The following NSUN2 variants were observed in gnomAD, a reference collection of about 807,000 sequenced individuals.
NSUN2 encodes NOP2/Sun RNA methyltransferase 2, also known as RNA cytosine C(5)-methyltransferase NSUN2.
A neutral mutation model predicts 92.7 loss-of-function variants in NSUN2; 63 were observed. The ratio of observed to expected loss-of-function variants is 0.68; its 90% CI spans 0.56 to 0.84. The LOEUF (loss-of-function observed/expected upper bound fraction) is 0.84. NSUN2 is among the 40% of genes least tolerant of loss of function. The pLI is 0.00. For synonymous variants in NSUN2, 356 were observed against 348.3 expected, an observed-to-expected ratio of 1.02 and a Z score of -0.25; for missense variants, 989 against 964.9, an observed-to-expected ratio of 1.02 and a Z score of -0.33.
chr5:6,626,125 T>C (rs112836651), intron 3 of NSUN2, among the ~76,000 whole-genome samples: 262 of 152,234 alleles, frequency 1.7e-3, no homozygotes, highest in African/African-American at 6.1e-3. Flanking sequence ...AAAAAATATA[T>C]TTTTCATTAT....
rs772238201 is a variant in NSUN2, at chr5:6,632,685, C to A, written c.168G>T (p.Lys56Asn). ...GGCCCCACTCGCCCTCGGGCACGAT[C>A]TTGAGCTCCTGGTAGTAGTGCTCGA... The part of the protein sequence containing the change: ...KLFEHYYQEL[K>N]IVPEGEWGQF... The change falls in exon 2 of 19, where the codon AAG becomes AAT. Residue 56 changes from lysine to asparagine, a missense_variant. Physicochemically the swap from Lys to Asn is moderately conservative, Grantham distance 94. Around this residue, in one of 3 missense-constraint regions of NSUN2, gnomAD observed 356 missense variants for 338.6 expected, o/e 1.05. Transcript: ENST00000264670. The A allele has an allele frequency of 6.2e-6, 10 of 1,614,096 alleles. No individual in the cohort carries two copies. The African/African-American group carries it at 1.1e-4, about 17-fold the overall frequency.
intron 9 of NSUN2, among the ~76,000 whole-genome samples, chr5:6,615,850 G>A (rs1214799528): frequency 6.6e-6 from 1 of 152,208 alleles, no homozygotes; most frequent in Non-Finnish European, 1.5e-5. Context: ...AACATAAAAG[G>A]AGAAATATTT....
chr5:6,632,628 C>T lies in NSUN2; in HGVS notation c.225G>A (p.Pro75=). 6.2e-7 allele frequency: 1 copy of T among 1,614,190 alleles called. No individual in the cohort carries two copies. Residue 75 remains proline (P), a synonymous_variant, in exon 2 of 19, where the codon CCG becomes CCA. Coordinates refer to ENST00000264670, the MANE Select transcript of NSUN2 (RefSeq NM_017755.6). ...QFMDALREPL[P]ATLRITGYKS... ...TGTAACCAGTAATTCTTAAAGTGGCCGGGAGCGGCTCCCTGAGAGCGTCCA... is the reference window on the plus strand; with the variant it reads ...TGTAACCAGTAATTCTTAAAGTGGCTGGGAGCGGCTCCCTGAGAGCGTCCA...
At position 6,605,419 on chromosome 5, in the gene NSUN2, C is replaced by T. The variant is rs2303707; in HGVS notation, c.1602-11G>A. The T allele has an allele frequency of 6.2e-7, 1 of 1,613,248 alleles. No homozygotes were observed. The highest frequency in any genetic ancestry group is 8.5e-7 in the Non-Finnish European group (1 of 1,179,462). Reference sequence around the variant, plus strand: ...AAAGCATAAAATTTCCTGTACATAACAACATTGTTGTTTATCCACAATGAG... The same window carrying T: ...AAAGCATAAAATTTCCTGTACATAATAACATTGTTGTTTATCCACAATGAG... On this transcript the variant is annotated splice_polypyrimidine_tract_variant and intron_variant, in intron 14 of 18. Coordinates refer to ENST00000264670, the MANE Select transcript of NSUN2 (RefSeq NM_017755.6).
chr5:6,600,399 C>A (rs185177589), intron 18 of NSUN2, among the ~76,000 whole-genome samples, 167 bp from the exon 19 acceptor site: 1 of 152,338 alleles, frequency 6.6e-6, no homozygotes, highest in Admixed American at 6.5e-5. Flanking sequence ...GGTAGGTTTT[C>A]TCAAAGGACT....
At chr5:6,603,310 G>T (rs1457017373) in intron 17 of NSUN2, among the ~76,000 whole-genome samples, 1 of 152,234 alleles carries the variant, frequency 6.6e-6, no homozygotes, top group Non-Finnish European at 1.5e-5. Context: ...AGAAAAGTCA[G>T]AACTGCTGGC....
In NSUN2 at chr5:6,632,699, AGTAG is replaced by A; in HGVS notation, c.150_153del (p.Tyr51ThrfsTer27). ...TCGGGCACGATCTTGAGCTCCTGGT[AGTAG>A]TGCTCGAACAGCTTGTTCTCCTTGA... On this transcript the variant is annotated frameshift_variant, in exon 2 of 19. Transcript: ENST00000264670. LOFTEE classifies it high-confidence loss of function. 1.2e-6 allele frequency: 2 copies of A among 1,614,134 alleles called. No individual in the cohort carries two copies. Among genetic ancestry groups the A allele is most frequent in the Non-Finnish European group, 1.7e-6 (2 of 1,180,004 alleles).
rs560136559 is a variant in NSUN2, at chr5:6,605,517, T to C, written c.1602-109A>G. On this transcript the variant is annotated intron_variant, in intron 14 of 18. Transcript: ENST00000264670. ...GAATTCAATCCCCAAAACTGCAGTG[T>C]GGTTCAAGGGCACTGGGCTCTGCTC... 3.4e-6 allele frequency: 4 copies of C among 1,164,442 alleles called. No homozygotes were observed. In the East Asian group the frequency reaches 7.1e-5, roughly 21 times the overall value. 72.1% of individuals were successfully genotyped at this position (1,164,442 alleles called of 1,614,324 possible).
chr5:6,613,537 C>T (rs1392456914), intron 9 of NSUN2, among the ~76,000 whole-genome samples: 68 of 152,226 alleles, frequency 4.5e-4, no homozygotes, highest in Non-Finnish European at 5.9e-5. Flanking sequence ...GAATAAAGAA[C>T]CTGAGCATAC....
chr5:6,614,672 T>C (rs191812251), intron 9 of NSUN2, among the ~76,000 whole-genome samples: 49 of 152,126 alleles, frequency 3.2e-4, no homozygotes, highest in Non-Finnish European at 5.4e-4. Flanking sequence ...TGGGTGAGGG[T>C]GGCAGAAGCA....
intron 6 of NSUN2, chr5:6,621,747 C>CAAA (rs36037471): frequency 2.9e-3 from 719 of 246,218 alleles, no homozygotes; most frequent in Middle Eastern, 5.4e-3. Context: ...GACTCCATCT[C>CAAA]AAAAAAAAAA....
rs914130347 is a variant in NSUN2 at position 6,632,891 on chromosome 5, C to A, written c.89G>T (p.Gly30Val). ...EDGAEGGGKR[G>V]EAGWEGGYPE... is the part of the protein sequence containing the mutation. ...CCGGGTCCCGGCTCCTACCGCCTCGCCGCGCTTTCCACCACCCTCGGCGCC... is the reference window on the plus strand; with the variant it reads ...CCGGGTCCCGGCTCCTACCGCCTCGACGCGCTTTCCACCACCCTCGGCGCC... The change falls in exon 1 of 19, where the codon GGC becomes GTC. Residue 30 changes from glycine (G) to valine (V), a missense_variant. Coordinates refer to ENST00000264670, the MANE Select transcript of NSUN2 (RefSeq NM_017755.6). 1.3e-6 allele frequency: 2 copies of A among 1,531,480 alleles called. No individual in the cohort carries two copies. The highest frequency in any genetic ancestry group is 1.7e-6 in the Non-Finnish European group (2 of 1,144,348). 94.9% of individuals were successfully genotyped at this position (1,531,480 alleles called of 1,614,324 possible).
intron 10 of NSUN2, 49 bp downstream of exon 10, chr5:6,611,676 G>A: frequency 6.7e-7 from 1 of 1,499,886 alleles, no homozygotes. Context: ...CTCTACTTCA[G>A]TGATGCTGCA....
chr5:6,604,481 T>C lies in NSUN2; in HGVS notation c.1818+124A>G, dbSNP rs540380857. 14 of 990,692 alleles carry C rather than the reference T, an allele frequency of 1.4e-5. No individual in the cohort carries two copies. In the South Asian group the frequency reaches 1.8e-4, roughly 13 times the overall value. The allele number at this position is 990,692 out of a possible 1,614,324, so 61.4% of individuals were successfully genotyped here. ...AGCTCTATAACCTGTGAGGGTCAAG[T>C]GGCTGGTAGGTGCCAGCCAAGCCCT... is the stretch of plus-strand genomic sequence containing the variant. On this transcript the variant is annotated intron_variant, in intron 16 of 18. Coordinates refer to ENST00000264670, the MANE Select transcript of NSUN2 (RefSeq NM_017755.6).
At chr5:6,615,093 A>C (rs1006534712) in intron 9 of NSUN2, among the ~76,000 whole-genome samples, 3 of 152,120 alleles carry the variant, frequency 2.0e-5, no homozygotes, top group African/African-American at 7.2e-5. Flanking sequence ...ACTCACCCCA[A>C]GTCAAGAAAG....
rs78642446 is a variant in NSUN2 at position 6,609,025 on chromosome 5, C to T, written c.1323+801G>A. ...CCCCCTTTGCCCGTCTGAGGCTGTA[C>T]GTTCCAACGTTAAACTGCACAAACC... On this transcript the variant is annotated intron_variant, in intron 12 of 18. Transcript: ENST00000264670. 7.3e-3 allele frequency among the ~76,000 whole-genome samples: 1,115 copies of T among 152,308 alleles called. 17 individuals are homozygous for T. Among genetic ancestry groups the T allele is most frequent in the African/African-American group, 0.025 (1,054 of 41,560 alleles).
chr5:6,599,792 C>T lies in NSUN2; in HGVS notation c.*134G>A, dbSNP rs1736465586. 1.3e-6 allele frequency: 1 copy of T among 747,372 alleles called. No homozygotes were observed. The highest frequency in any genetic ancestry group is 1.7e-5 in the South Asian group (1 of 58,854). 46.3% of individuals were successfully genotyped at this position (747,372 alleles called of 1,614,324 possible). A position where few individuals can be genotyped will look rare whatever the true frequency, so the allele number is the denominator to read the frequency against. On this transcript the variant is annotated 3_prime_UTR_variant, in exon 19 of 19. Coordinates refer to ENST00000264670, the MANE Select transcript of NSUN2 (RefSeq NM_017755.6). ...GGTCATTCAGAAGGCTCCTATGATC[C>T]CACCAGTCTGCAGTCATTAGAAATA...
In NSUN2 at chr5:6,616,867, G is replaced by A; in HGVS notation, c.891-10C>T. On this transcript the variant is annotated splice_polypyrimidine_tract_variant and intron_variant, in intron 8 of 18. Coordinates refer to ENST00000264670, the MANE Select transcript of NSUN2 (RefSeq NM_017755.6). ...AATCCGCAGCTGTAAGCTAAGGGGAGATATCAGATGACTGCAAGGCCAAAT... is the reference window on the plus strand; with the variant it reads ...AATCCGCAGCTGTAAGCTAAGGGGAAATATCAGATGACTGCAAGGCCAAAT... 1 of 1,609,184 alleles carries A rather than the reference G, an allele frequency of 6.2e-7. No individual in the cohort carries two copies. Among genetic ancestry groups the A allele is most frequent in the Non-Finnish European group, 8.5e-7 (1 of 1,177,522 alleles).
intron 3 of NSUN2, among the ~76,000 whole-genome samples, chr5:6,631,124 C>T (rs1410115522): frequency 6.6e-6 from 1 of 152,134 alleles, no homozygotes; most frequent in Non-Finnish European, 1.5e-5. Flanking sequence ...CAAAAAACGG[C>T]TTAATTCACC....
Sources: allele counts gnomAD v4.1 joint callset (sites outside exome capture counted in the v4.1 genomes callset), GRCh38; gene constraint gnomAD v4.1.1; regional missense constraint gnomAD v4.1.1; transcripts MANE v1.5; gene names NCBI Gene and HGNC (gene_info 2026-07-23, HGNC 2026-07-21).